The following TIAM1 variants were observed in gnomAD, a reference collection of about 807,000 sequenced individuals.
TIAM1 encodes rho guanine nucleotide exchange factor TIAM1.
A neutral mutation model predicts 163.5 loss-of-function variants in TIAM1; 65 were observed. That is an observed-to-expected ratio of 0.40 (90% CI 0.33 to 0.49). The LOEUF (loss-of-function observed/expected upper bound fraction) is 0.49, where lower values mean the gene tolerates loss of function less well. TIAM1 is among the 20% of genes least tolerant of loss of function. The pLI, the probability that TIAM1 is intolerant of heterozygous loss-of-function variation, is 0.77. For missense variants in TIAM1, 1,789 were observed against 2,044.7 expected, an observed-to-expected ratio of 0.87 and a Z score of 2.41; for synonymous variants, 833 against 810.1, an observed-to-expected ratio of 1.03 and a Z score of -0.48.
intron 1 of TIAM1, among the ~76,000 whole-genome samples, chr21:31,537,166 G>C (rs982726848): frequency 6.6e-6 from 1 of 152,178 alleles, no homozygotes; most frequent in African/African-American, 2.4e-5. Flanking sequence ...TAATCCAGTA[G>C]GACCCCTTCT....
intron 6 of TIAM1, among the ~76,000 whole-genome samples, chr21:31,244,805 G>T (rs541384757): frequency 6.6e-6 from 1 of 152,256 alleles, no homozygotes; most frequent in East Asian, 1.9e-4. Flanking sequence ...ACAGAATAAA[G>T]GTTTGAGAAA....
At chr21:31,335,757 A>T (rs1217852808) in intron 2 of TIAM1, among the ~76,000 whole-genome samples, 1 of 152,196 alleles carries the variant, frequency 6.6e-6, no homozygotes, top group East Asian at 1.9e-4. Context: ...TCTAGAGTTA[A>T]TATGACCATT....
intron 3 of TIAM1, among the ~76,000 whole-genome samples, chr21:31,271,520 G>A (rs940301224): frequency 2.0e-5 from 3 of 152,130 alleles, no homozygotes; most frequent in African/African-American, 7.2e-5. Flanking sequence ...TGAACTTAGG[G>A]GTGAGGGTGT....
intron 2 of TIAM1, among the ~76,000 whole-genome samples, chr21:31,309,763 GA>G (rs920773942): frequency 6.6e-6 from 1 of 152,176 alleles, no homozygotes; most frequent in Non-Finnish European, 1.5e-5. Context: ...GAAACTATAT[GA>G]AAAACCCAAA....
intron 2 of TIAM1, among the ~76,000 whole-genome samples, chr21:31,377,550 A>C (rs943003168): frequency 2.0e-5 from 3 of 152,170 alleles, no homozygotes; most frequent in African/African-American, 7.2e-5. Context: ...CAGTGACTAC[A>C]TCACGCCTCT....
chr21:31,386,316 A>G (rs993481300), intron 2 of TIAM1, among the ~76,000 whole-genome samples: 1 of 151,994 alleles, frequency 6.6e-6, no homozygotes, highest in Non-Finnish European at 1.5e-5. Flanking sequence ...CTTCTCAGGG[A>G]ATGGAGACCC....
At chr21:31,214,001 G>A (rs1406736516) in intron 9 of TIAM1, among the ~76,000 whole-genome samples, 1 of 151,928 alleles carries the variant, frequency 6.6e-6, no homozygotes, top group African/African-American at 2.4e-5. Flanking sequence ...GGGCAACAGA[G>A]GGAGACCTTG....
At chr21:31,365,420 G>A (rs1219367684) in intron 2 of TIAM1, among the ~76,000 whole-genome samples, 3 of 132,452 alleles carry the variant, frequency 2.3e-5, no homozygotes, top group Admixed American at 8.8e-5. Flanking sequence ...AGGGAGTCTC[G>A]CTCTGTCGCC....
intron 2 of TIAM1, among the ~76,000 whole-genome samples, chr21:31,300,427 T>A (rs1216777657): frequency 6.6e-6 from 1 of 152,248 alleles, no homozygotes; most frequent in Non-Finnish European, 1.5e-5. Flanking sequence ...CTGAAATTAG[T>A]GCCTGAATTC....
chr21:31,491,162 G>GAAGGGAAGT (rs1335563674), intron 1 of TIAM1, among the ~76,000 whole-genome samples: 4 of 152,086 alleles, frequency 2.6e-5, no homozygotes, highest in Admixed American at 1.3e-4. Flanking sequence ...GGAAGGGAAG[G>GAAGGGAAGT]AAGGGAAGGA....
intron 2 of TIAM1, among the ~76,000 whole-genome samples, chr21:31,405,654 G>A (rs1477629619): frequency 6.6e-6 from 1 of 152,190 alleles, no homozygotes; most frequent in Non-Finnish European, 1.5e-5. Context: ...AGCTTGTGCA[G>A]AGAAAGTCCC....
chr21:31,185,412 A>C (rs2085238659), intron 14 of TIAM1, among the ~76,000 whole-genome samples: 1 of 136,418 alleles, frequency 7.3e-6, no homozygotes, highest in Non-Finnish European at 1.5e-5. Flanking sequence ...ATATAATTAT[A>C]TATAATTATG....
chr21:31,210,361 GGAGA>G, intron 10 of TIAM1, 146 bp from the exon 11 acceptor site: 3 of 783,226 alleles, frequency 3.8e-6, no homozygotes, highest in Non-Finnish European at 6.1e-6. Context: ...GGGAACCCTT[GGAGA>G]GAGAGAAACT....
chr21:31,322,004 G>T (rs755148684), intron 2 of TIAM1, among the ~76,000 whole-genome samples: 3 of 152,070 alleles, frequency 2.0e-5, no homozygotes, highest in Admixed American at 2.0e-4. Flanking sequence ...AGTGAGCCAA[G>T]ATCGTGCCAC....
At chr21:31,284,677 C>A (rs2073722859) in intron 2 of TIAM1, among the ~76,000 whole-genome samples, 1 of 152,038 alleles carries the variant, frequency 6.6e-6, no homozygotes, top group Non-Finnish European at 1.5e-5. Context: ...TGCCACCACA[C>A]CCGGCTAATT....
intron 23 of TIAM1, among the ~76,000 whole-genome samples, chr21:31,134,037 C>G (rs576833548): frequency 6.6e-6 from 1 of 152,162 alleles, no homozygotes; most frequent in South Asian, 2.1e-4. Flanking sequence ...CATTGCACTC[C>G]AGCCTGGCAA....
At chr21:31,487,389 GAGA>G (rs2046306425) in intron 1 of TIAM1, among the ~76,000 whole-genome samples, 1 of 151,864 alleles carries the variant, frequency 6.6e-6, no homozygotes, top group Non-Finnish European at 1.5e-5. Context: ...TTCTTTTTTT[GAGA>G]AGGAGTCTCA....
chr21:31,123,017 T>C (rs978103402), intron 27 of TIAM1, among the ~76,000 whole-genome samples: 2 of 152,200 alleles, frequency 1.3e-5, no homozygotes, highest in Non-Finnish European at 2.9e-5. Flanking sequence ...AAATGAGCCA[T>C]CAGGCAGAAA....
intron 5 of TIAM1, among the ~76,000 whole-genome samples, chr21:31,248,950 C>T (rs916103267): frequency 6.6e-6 from 1 of 151,954 alleles, no homozygotes; most frequent in Admixed American, 6.5e-5. Flanking sequence ...AAATAAACCC[C>T]TCTGATATGT....
Sources: gnomAD v4.1 joint callset for allele counts (sites outside exome capture counted in the v4.1 genomes callset) on GRCh38, gnomAD v4.1.1 for gene constraint, MANE v1.5 for transcripts, NCBI Gene and HGNC (gene_info 2026-07-23, HGNC 2026-07-21) for gene names.